The following SLC38A10 variants were observed in gnomAD, a reference collection of about 807,000 sequenced individuals.
The protein encoded by SLC38A10 is Sodium-coupled neutral amino acid transporter 10.
In SLC38A10, 53 loss-of-function variants were observed where a neutral mutation model predicts 81.0. The observed-to-expected ratio is 0.65, with a 90% CI of 0.53 to 0.82. SLC38A10 has a LOEUF of 0.82. SLC38A10 is among the 40% of genes least tolerant of loss of function. The probability of loss-of-function intolerance (pLI) is 0.00; values close to 1 mark genes in which losing one functional copy is unlikely to be tolerated. For synonymous variants in SLC38A10, 665 were observed against 655.3 expected (o/e 1.01, Z -0.23); for missense variants, 1,471 against 1,545.0 (o/e 0.95, Z 0.80).
At position 81,281,073 on chromosome 17, in the gene SLC38A10, T is replaced by C. The variant is rs2279910; in HGVS notation, c.502-340A>G. 3.5e-3 allele frequency among the ~76,000 whole-genome samples: 534 copies of C among 152,254 alleles called. 7 individuals are homozygous for C. In the East Asian group the frequency reaches 0.071, roughly 20 times the overall value. ...AGTTTCCGTCGGTTACAGAGGCTGGTTTCCCACGTGGGCAGGTCCCTCCCC... is the reference window on the plus strand; with the variant it reads ...AGTTTCCGTCGGTTACAGAGGCTGGCTTCCCACGTGGGCAGGTCCCTCCCC... On this transcript the variant is annotated intron_variant, in intron 5 of 15. Coordinates refer to ENST00000374759, the MANE Select transcript of SLC38A10 (RefSeq NM_001037984.3). The surrounding 1 kb of genome is among the most constrained non-coding windows in gnomAD (Gnocchi z 5.3).
At chr17:81,292,351 TC>T (rs1351595851) in intron 1 of SLC38A10, among the ~76,000 whole-genome samples, 10 of 151,902 alleles carry the variant, frequency 6.6e-5, no homozygotes, top group African/African-American at 2.4e-4. Flanking sequence ...GGTCTTGAAC[TC>T]CTGACCTCGT....
intron 12 of SLC38A10, among the ~76,000 whole-genome samples, 149 bp downstream of exon 12, chr17:81,252,920 AAGAC>A (rs1274096517): frequency 1.3e-5 from 2 of 152,226 alleles, no homozygotes; most frequent in South Asian, 2.1e-4. Flanking sequence ...TCTGAATTGA[AAGAC>A]AGAGAAAACA....
At chr17:81,278,803 C>A (rs1029025875) in intron 6 of SLC38A10, among the ~76,000 whole-genome samples, 11 of 152,182 alleles carry the variant, frequency 7.2e-5, no homozygotes, top group Non-Finnish European at 1.2e-4. Flanking sequence ...CCCCAATACA[C>A]CCTGTGGGGA....
intron 6 of SLC38A10, among the ~76,000 whole-genome samples, chr17:81,279,359 C>T (rs375865066): frequency 2.0e-5 from 3 of 152,306 alleles, no homozygotes; most frequent in Admixed American, 6.5e-5. Flanking sequence ...GCAGGGGGCG[C>T]GGCCCGCCAC....
rs761872626 is a variant in SLC38A10 at position 81,245,959 on chromosome 17, C to T, written c.2957G>A (p.Arg986Lys). The T allele has an allele frequency of 6.2e-7, 1 of 1,604,616 alleles. No homozygotes were observed. Among genetic ancestry groups the T allele is most frequent in the Non-Finnish European group, 8.5e-7 (1 of 1,174,574 alleles). Reference sequence around the variant, plus strand: ...CACATGGTCCCCCCCGCGGGCCTTTCTCATCTCCAGGTGACCGCCATGGTC... The same window carrying T: ...CACATGGTCCCCCCCGCGGGCCTTTTTCATCTCCAGGTGACCGCCATGGTC... ...RLDHGGHLEM[R>K]KARGGDHVPV... is the part of the protein sequence containing the mutation. Residue 986 changes from arginine (R) to lysine (K), a missense_variant, in exon 16 of 16, where the codon AGA becomes AAA. Arg to Lys is a conservative substitution (Grantham distance 26, BLOSUM62 2). Transcript: ENST00000374759.
At position 81,246,294 on chromosome 17, in the gene SLC38A10, G is replaced by A. The variant is rs772038893; in HGVS notation, c.2622C>T (p.Leu874=). 5.6e-6 allele frequency: 9 copies of A among 1,611,798 alleles called. No individual in the cohort carries two copies. The highest frequency in any genetic ancestry group is 2.2e-5 in the East Asian group (1 of 44,870). ...GACTTTGCCCAGGGAATTCCTCTGC[G>A]AGGCGCTCCTCTGGGCCCCCGGCTT... The part of the protein sequence containing the change: ...AREAGGPEER[L]AEEFPGQSQD... Residue 874 remains leucine (L), a synonymous_variant, in exon 16 of 16, where the codon CTC becomes CTT. Coordinates refer to ENST00000374759, the MANE Select transcript of SLC38A10 (RefSeq NM_001037984.3).
chr17:81,253,581 C>T lies in SLC38A10; in HGVS notation c.1289-341G>A, dbSNP rs189544025. Among the ~76,000 whole-genome samples the T allele has an allele frequency of 5.5e-3, 833 of 151,718 alleles. 7 individuals are homozygous for T. Among genetic ancestry groups the T allele is most frequent in the African/African-American group, 0.019 (787 of 41,372 alleles). On this transcript the variant is annotated intron_variant, in intron 11 of 15. Coordinates refer to ENST00000374759, the MANE Select transcript of SLC38A10 (RefSeq NM_001037984.3). This position sits in a 1 kb window ranked among gnomAD's most constrained non-coding sequence, Gnocchi z 4.1. ...TCACCTCCATCATCACCGTCATCAC[C>T]GTCACCTCCACCACCACCACCACCA... is the stretch of plus-strand genomic sequence containing the variant.
At position 81,246,029 on chromosome 17, in the gene SLC38A10, C is replaced by A. The variant is rs1019824933; in HGVS notation, c.2887G>T (p.Val963Phe). The change falls in exon 16 of 16, where the codon GTC (valine) becomes TTC (phenylalanine). Residue 963 changes from valine (V) to phenylalanine (F), a missense_variant. By Grantham distance (50) the Val-to-Phe change is conservative (BLOSUM62 -1). Around this residue, in one of 2 missense-constraint regions of SLC38A10, gnomAD observed 751 missense variants for 717.4 expected, o/e 1.05. Transcript: ENST00000374759. ...QAVLRQPELR[V>F]ISDGEQGGQQ... ...CCACCCTGCTCGCCATCAGAGATGA[C>A]CCGCAGTTCCGGCTGGCGTAACACA... The A allele has an allele frequency of 1.1e-5, 18 of 1,610,428 alleles. No homozygotes were observed. The African/African-American group carries it at 2.0e-4, about 18-fold the overall frequency.
intron 1 of SLC38A10, among the ~76,000 whole-genome samples, chr17:81,292,712 A>C (rs1172109655): frequency 6.6e-6 from 1 of 152,346 alleles, no homozygotes; most frequent in South Asian, 2.1e-4. Context: ...ATGCTCTGGC[A>C]GGGGCCTAAT....
At chr17:81,258,793 G>C (rs2062995103) in intron 11 of SLC38A10, among the ~76,000 whole-genome samples, 1 of 152,168 alleles carries the variant, frequency 6.6e-6, no homozygotes, top group South Asian at 2.1e-4. Flanking sequence ...TCTCCAGGTG[G>C]ACGTTTTTCC....
chr17:81,277,606 G>A lies in SLC38A10; in HGVS notation c.627-473C>T, dbSNP rs138502284. Among the ~76,000 whole-genome samples, 73 of 152,356 alleles carry A rather than the reference G, an allele frequency of 4.8e-4. No homozygotes were observed. The highest frequency in any genetic ancestry group is 3.4e-3 in the Middle Eastern group (1 of 294). On this transcript the variant is annotated intron_variant, in intron 6 of 15. Coordinates refer to ENST00000374759, the MANE Select transcript of SLC38A10 (RefSeq NM_001037984.3). This position sits in a 1 kb window ranked among gnomAD's most constrained non-coding sequence, Gnocchi z 4.5. ...GGCACAGACAAGGAGGCGGCCTGGGGCGCGATTCCCCACTGCAGCCTCTCA... is the reference window on the plus strand; with the variant it reads ...GGCACAGACAAGGAGGCGGCCTGGGACGCGATTCCCCACTGCAGCCTCTCA...
At chr17:81,280,001 C>G (rs898088917) in intron 6 of SLC38A10, 4 of 352,394 alleles carry the variant, frequency 1.1e-5, no homozygotes, top group Non-Finnish European at 2.3e-5. Context: ...GCCAGCCCCC[C>G]GCATGCCGAT....
chr17:81,257,960 A>G (rs1377702809), intron 11 of SLC38A10, among the ~76,000 whole-genome samples: 3 of 152,260 alleles, frequency 2.0e-5, no homozygotes, highest in Admixed American at 2.0e-4. Flanking sequence ...CCTAGCCTTC[A>G]GGGTGCTAGA....
At chr17:81,256,240 A>G (rs768001177) in intron 11 of SLC38A10, among the ~76,000 whole-genome samples, 4 of 152,210 alleles carry the variant, frequency 2.6e-5, no homozygotes, top group Non-Finnish European at 5.9e-5. Context: ...AAGGCTGCCA[A>G]GGCCACAGCT....
intron 1 of SLC38A10, 24 bp downstream of exon 1, chr17:81,294,799 G>C (rs2063335508): frequency 1.9e-6 from 3 of 1,560,998 alleles, no homozygotes; most frequent in Non-Finnish European, 2.6e-6. Context: ...CGAGGGCGGT[G>C]ATCTCCGGGC....
intron 11 of SLC38A10, among the ~76,000 whole-genome samples, chr17:81,254,499 G>A (rs1025511078): frequency 2.6e-5 from 4 of 152,190 alleles, no homozygotes; most frequent in African/African-American, 9.7e-5. Flanking sequence ...CCAGGCTGGA[G>A]TGCAGTGGCA....
chr17:81,246,420 C>G lies in SLC38A10; in HGVS notation c.2496G>C (p.Lys832Asn). Residue 832 changes from lysine (K) to asparagine (N), a missense_variant, in exon 16 of 16, where the codon AAG (lysine) becomes AAC (asparagine). By Grantham distance (94) the Lys-to-Asn change is moderately conservative. This residue lies in a region of SLC38A10 where 751 missense variants were observed against 717.4 expected (regional missense o/e 1.05). Coordinates refer to ENST00000374759, the MANE Select transcript of SLC38A10 (RefSeq NM_001037984.3). Reference sequence around the variant, plus strand: ...CGGCATCCTTCTGGCCATCTCTCAGCTTGGCCTGGGCTGCCCGAGGCTCTG... The same window carrying G: ...CGGCATCCTTCTGGCCATCTCTCAGGTTGGCCTGGGCTGCCCGAGGCTCTG... ...PDTEPRAAQA[K>N]LRDGQKDAAP... The G allele has an allele frequency of 6.2e-7, 1 of 1,601,048 alleles. No individual in the cohort carries two copies. Among genetic ancestry groups the G allele is most frequent in the East Asian group, 2.2e-5 (1 of 44,720 alleles).
chr17:81,261,965 A>T (rs2063028068), intron 10 of SLC38A10, among the ~76,000 whole-genome samples: 1 of 152,164 alleles, frequency 6.6e-6, no homozygotes, highest in African/African-American at 2.4e-5. Context: ...GTTCTCCTCC[A>T]TTTGTAGATG....
At chr17:81,282,375 G>C in intron 4 of SLC38A10, 43 bp from the exon 5 acceptor site, 1 of 1,569,158 alleles carries the variant, frequency 6.4e-7, no homozygotes, top group Non-Finnish European at 8.6e-7. Flanking sequence ...GCCCGTGCCT[G>C]CTCACCACCG....
Sources: gnomAD v4.1 joint callset for allele counts (sites outside exome capture counted in the v4.1 genomes callset) on GRCh38, gnomAD v4.1.1 for gene constraint, gnomAD v4.1.1 regional missense constraint, Gnocchi (gnomAD v3.1) non-coding constraint, MANE v1.5 for transcripts, NCBI Gene and HGNC (gene_info 2026-07-23, HGNC 2026-07-21) for gene names.